Variants in ERI1 observed in about 807,000 individuals in gnomAD.
The protein encoded by ERI1 is exoribonuclease 1, also known as 3'-5' exoribonuclease 1.
A neutral mutation model predicts 39.7 loss-of-function variants in ERI1; 39 were observed. The ratio of observed to expected loss-of-function variants is 0.98; its 90% CI spans 0.76 to 1.28. ERI1 has a LOEUF of 1.28. ERI1 is among the 50% of genes most tolerant of loss of function. The pLI is 0.00. For synonymous variants in ERI1, 204 were observed against 149.6 expected, an observed-to-expected ratio of 1.36 and a Z score of -2.65; for missense variants, 581 against 416.9, an observed-to-expected ratio of 1.39 and a Z score of -3.43.
At chr8:9,075,641 C>A (rs145964264) in intron 3 of ERI1, among the ~76,000 whole-genome samples, 1 of 152,016 alleles carries the variant, frequency 6.6e-6, no homozygotes, top group African/African-American at 2.4e-5. Context: ...AGGAAAGCCA[C>A]AAAGAATCCC....
downstream of ERI1, among the ~76,000 whole-genome samples, chr8:9,034,331 T>C (rs1563345470): frequency 6.6e-6 from 1 of 152,280 alleles, no homozygotes; most frequent in Non-Finnish European, 1.5e-5. Context: ...CTTCTCTTTA[T>C]GTGCTTCGCA....
chr8:9,025,569 G>C (rs1050613090), intron 6 of ERI1, among the ~76,000 whole-genome samples: 1 of 152,224 alleles, frequency 6.6e-6, no homozygotes, highest in Non-Finnish European at 1.5e-5. Flanking sequence ...GAGGAAGCAA[G>C]AGGTTGGTTT....
At chr8:9,035,337 C>G (rs1258985716), downstream of ERI1, among the ~76,000 whole-genome samples, 1 of 149,144 alleles carries the variant, frequency 6.7e-6, no homozygotes, top group Admixed American at 7.4e-5. Context: ...CAGTGCTTGG[C>G]TTCAAAGCTT....
intron 6 of ERI1, among the ~76,000 whole-genome samples, chr8:9,028,552 C>G (rs1316244962): frequency 6.6e-6 from 1 of 152,108 alleles, no homozygotes; most frequent in African/African-American, 2.4e-5. Flanking sequence ...GATGCATAGG[C>G]AAAATAGTTG....
intron 3 of ERI1, among the ~76,000 whole-genome samples, chr8:9,087,263 G>A (rs925848835): frequency 6.7e-6 from 1 of 149,678 alleles, no homozygotes; most frequent in Admixed American, 6.7e-5. Context: ...ATTTATTTTT[G>A]AGATGGAGTT....
intron 3 of ERI1, among the ~76,000 whole-genome samples, chr8:9,041,859 C>G (rs748643160): frequency 6.6e-6 from 1 of 152,106 alleles, no homozygotes; most frequent in African/African-American, 2.4e-5. Context: ...CTCAGCCTCT[C>G]GAGTAGCTGG....
At chr8:9,081,762 A>G (rs913015373) in intron 3 of ERI1, among the ~76,000 whole-genome samples, 1 of 151,258 alleles carries the variant, frequency 6.6e-6, no homozygotes, top group African/African-American at 2.4e-5. Context: ...GGCAAGAAAG[A>G]AGGGGGAAGA....
At chr8:9,057,822 G>A (rs1798558705) in intron 3 of ERI1, among the ~76,000 whole-genome samples, 1 of 152,208 alleles carries the variant, frequency 6.6e-6, no homozygotes, top group Non-Finnish European at 1.5e-5. Context: ...CCAGCAAGGA[G>A]GTGAGAGAGC....
chr8:9,021,856 A>G (rs1377120780), intron 6 of ERI1, among the ~76,000 whole-genome samples: 3 of 141,810 alleles, frequency 2.1e-5, no homozygotes, highest in East Asian at 4.1e-4. Context: ...TATTGCTATT[A>G]ATTCCATTGT....
intron 3 of ERI1, among the ~76,000 whole-genome samples, chr8:9,067,509 G>C (rs887557169): frequency 6.6e-6 from 1 of 151,734 alleles, no homozygotes; most frequent in South Asian, 2.1e-4. Context: ...GCAAAAATTA[G>C]CTGGGCATGG....
At chr8:9,022,892 G>T (rs554670729) in intron 6 of ERI1, among the ~76,000 whole-genome samples, 2 of 152,290 alleles carry the variant, frequency 1.3e-5, no homozygotes, top group South Asian at 4.1e-4. Flanking sequence ...TTTTGAGGCA[G>T]AAGTCAGACA....
intron 3 of ERI1, among the ~76,000 whole-genome samples, chr8:9,039,623 A>C (rs1162752482): frequency 1.3e-5 from 2 of 152,256 alleles, no homozygotes; most frequent in African/African-American, 4.8e-5. Flanking sequence ...TATTCTTTCA[A>C]TATAGGTGTG....
intron 3 of ERI1, among the ~76,000 whole-genome samples, chr8:9,059,186 C>T (rs781371473): frequency 3.3e-5 from 5 of 152,064 alleles, no homozygotes; most frequent in Non-Finnish European, 7.3e-5. Context: ...TCAGTTTAGG[C>T]AGGAACAGGC....
chr8:9,029,760 A>G (rs895288292), intron 6 of ERI1, 32 bp from the exon 7 acceptor site: 1 of 1,612,710 alleles, frequency 6.2e-7, no homozygotes, highest in Non-Finnish European at 8.5e-7. Flanking sequence ...TAGAACACCA[A>G]AGAATTATTT....
intron 3 of ERI1, among the ~76,000 whole-genome samples, chr8:9,095,751 G>T (rs898697602): frequency 2.0e-5 from 3 of 152,082 alleles, no homozygotes; most frequent in Admixed American, 6.6e-5. Context: ...GAACTCCTGG[G>T]CTCAAGACAT....
chr8:9,020,230 C>G (rs1817734457), intron 5 of ERI1, 120 bp from the exon 6 acceptor site: 2 of 503,360 alleles, frequency 4.0e-6, no homozygotes, highest in Non-Finnish European at 3.4e-6. Flanking sequence ...ATTTTCTCAG[C>G]TTGATGTTAC....
intron 3 of ERI1, among the ~76,000 whole-genome samples, chr8:9,040,729 TG>T (rs5889257): frequency 0.42 from 62,873 of 148,670 alleles, 13,526 homozygotes; most frequent in African/African-American, 0.51. Context: ...AGTGTGTGTG[TG>T]GGGGGGGGGT....
At chr8:9,051,989 C>G (rs1345833860) in intron 3 of ERI1, among the ~76,000 whole-genome samples, 1 of 152,216 alleles carries the variant, frequency 6.6e-6, no homozygotes, top group Non-Finnish European at 1.5e-5. Context: ...TGACCTTGCT[C>G]TGTTAAACGG....
rs562835178 is a variant in ERI1 at position 9,098,733 on chromosome 8, AT to A, written n.300-17610del. ...AAAAACCTATTGAAATAAAAAAAAAATTTTTAATAAAGAAATAGAAAAAAAT... is the reference window on the plus strand; with the variant it reads ...AAAAACCTATTGAAATAAAAAAAAAATTTTAATAAAGAAATAGAAAAAAAT... On this transcript the variant is annotated intron_variant and non_coding_transcript_variant, in intron 3 of 3. Coordinates refer to the ERI1 transcript ENST00000518663. 1.9e-3 allele frequency among the ~76,000 whole-genome samples: 287 copies of A among 152,188 alleles called. 1 individual carries two copies. Among genetic ancestry groups the A allele is most frequent in the African/African-American group, 6.1e-3 (254 of 41,476 alleles).
Sources: allele counts gnomAD v4.1 joint callset (sites outside exome capture counted in the v4.1 genomes callset), GRCh38; gene constraint gnomAD v4.1.1; transcripts MANE v1.5; gene names NCBI Gene and HGNC (gene_info 2026-07-23, HGNC 2026-07-21).